NBAS: variants seen among roughly 807,000 people sequenced by gnomAD.
NBAS encodes NAG/BC035112 fusion.
NBAS carries 219 observed loss-of-function variants against 302.5 expected under a neutral mutation model. The ratio of observed to expected loss-of-function variants is 0.72; its 90% confidence interval spans 0.65 to 0.81. The LOEUF is 0.81. Ranked by LOEUF, NBAS falls within the 30% of genes least tolerant of loss-of-function variation. The pLI is 0.00. For synonymous variants in NBAS, 1,118 were observed against 1,021.6 expected (o/e 1.09, Z -1.80); for missense variants, 2,932 against 2,841.6 (o/e 1.03, Z -0.72).
chr2:15,289,888 T>C (rs1233126860), intron 41 of NBAS, among the ~76,000 whole-genome samples: 2 of 152,016 alleles, frequency 1.3e-5, no homozygotes, highest in Admixed American at 1.3e-4. Context: ...TCCCAGCTAC[T>C]CGAGAGGTTG....
the NBAS span, among the ~76,000 whole-genome samples, chr2:14,836,777 A>G: frequency 5.6e-4 from 85 of 151,980 alleles, no homozygotes; most frequent in Non-Finnish European, 9.1e-4. Context: ...ACATTTAGGA[A>G]GAATTGATAA....
At chr2:15,288,007 G>A (rs972710784) in intron 41 of NBAS, among the ~76,000 whole-genome samples, 27 of 152,164 alleles carry the variant, frequency 1.8e-4, no homozygotes, top group Non-Finnish European at 3.1e-4. Context: ...AGCACCCAGC[G>A]TGGGCATCCC....
intron 44 of NBAS, among the ~76,000 whole-genome samples, chr2:15,241,724 A>G (rs1304002313): frequency 6.6e-6 from 1 of 152,204 alleles, no homozygotes; most frequent in Non-Finnish European, 1.5e-5. Flanking sequence ...GATAAAATAC[A>G]TGTGCCATCC....
intron 25 of NBAS, among the ~76,000 whole-genome samples, chr2:15,411,973 G>T (rs1676709090): frequency 6.6e-6 from 1 of 152,020 alleles, no homozygotes; most frequent in Admixed American, 6.6e-5. Flanking sequence ...CACTTTCCAA[G>T]GAGGAATCCA....
At chr2:15,274,520 C>A (rs1669479576) in intron 44 of NBAS, among the ~76,000 whole-genome samples, 1 of 151,904 alleles carries the variant, frequency 6.6e-6, no homozygotes, top group Non-Finnish European at 1.5e-5. Flanking sequence ...GAGAGAATGC[C>A]CAGAGTCCAA....
At chr2:14,870,479 T>C in the NBAS span, among the ~76,000 whole-genome samples, 1 of 152,188 alleles carries the variant, frequency 6.6e-6, no homozygotes, top group African/African-American at 2.4e-5. Flanking sequence ...AGAAGCCATC[T>C]AACATAGGGA....
At chr2:14,843,465 A>G in the NBAS span, among the ~76,000 whole-genome samples, 1 of 152,094 alleles carries the variant, frequency 6.6e-6, no homozygotes, top group Admixed American at 6.6e-5. Context: ...CAAATTCAAT[A>G]AAGTTGAGAG....
At chr2:15,213,277 T>C (rs1252454872) in intron 48 of NBAS, among the ~76,000 whole-genome samples, 2 of 152,220 alleles carry the variant, frequency 1.3e-5, no homozygotes, top group African/African-American at 4.8e-5. Context: ...TTGAAGAATA[T>C]TTGGTGAATA....
chr2:15,353,662 CCTT>C lies in NBAS; in HGVS notation c.3977_3979del (p.Glu1326del). 1 of 1,614,046 alleles carries C rather than the reference CCTT, an allele frequency of 6.2e-7. No individual in the cohort carries two copies. The highest frequency in any genetic ancestry group is 8.5e-7 in the Non-Finnish European group (1 of 1,179,974). On this transcript the variant is annotated inframe_deletion, in exon 34 of 52. Transcript: ENST00000281513. ...TTGACGAGTGGCCAAGTCCTGGTAACCTTCTGATTGTCCTAACTGGCTACAAAC... is the reference window on the plus strand; with the variant it reads ...TTGACGAGTGGCCAAGTCCTGGTAACCTGATTGTCCTAACTGGCTACAAAC...
chr2:15,087,607 G>C, the NBAS span, among the ~76,000 whole-genome samples: 1 of 152,180 alleles, frequency 6.6e-6, no homozygotes, highest in Non-Finnish European at 1.5e-5. Flanking sequence ...GAAGCACCAA[G>C]AAAAGACAAC....
the NBAS span, among the ~76,000 whole-genome samples, chr2:15,040,452 C>A: frequency 6.6e-6 from 1 of 152,154 alleles, no homozygotes; most frequent in African/African-American, 2.4e-5. Flanking sequence ...TGCCCAGGCA[C>A]GACCACCTTG....
the NBAS span, among the ~76,000 whole-genome samples, chr2:14,889,684 A>G: frequency 6.6e-6 from 1 of 152,218 alleles, no homozygotes; most frequent in South Asian, 2.1e-4. Context: ...ATAGGGAAAT[A>G]CACATGAGAT....
chr2:15,510,914 A>C (rs1045586039), intron 10 of NBAS, among the ~76,000 whole-genome samples: 24 of 152,250 alleles, frequency 1.6e-4, no homozygotes, highest in African/African-American at 5.5e-4. Flanking sequence ...CAACACATTA[A>C]AAAGTGCTTA....
chr2:15,400,655 C>T (rs899924879), intron 26 of NBAS, among the ~76,000 whole-genome samples: 13 of 152,190 alleles, frequency 8.5e-5, no homozygotes, highest in Non-Finnish European at 1.9e-4. Flanking sequence ...CAGCAAACAG[C>T]TGCTTATCAG....
the NBAS span, among the ~76,000 whole-genome samples, chr2:14,984,596 T>A: frequency 5.3e-5 from 8 of 152,194 alleles, no homozygotes; most frequent in Non-Finnish European, 1.2e-4. Context: ...TAAATACAAC[T>A]GCTTATATGT....
chr2:15,478,327 T>C (rs759557836), intron 12 of NBAS, 38 bp from the exon 13 acceptor site: 1 of 1,438,918 alleles, frequency 6.9e-7, no homozygotes, highest in Non-Finnish European at 9.8e-7. Flanking sequence ...GTGAACTATG[T>C]AAGAAAATTA....
At chr2:15,290,065 G>GAGGGGAT (rs1670235090) in intron 41 of NBAS, among the ~76,000 whole-genome samples, 1 of 149,996 alleles carries the variant, frequency 6.7e-6, no homozygotes, top group Non-Finnish European at 1.5e-5. Flanking sequence ...GGACAGAGGA[G>GAGGGGAT]AGGGGATAGG....
Position 15,475,794 on chromosome 2 carries a change from C to CA in NBAS, c.1233dup (p.Val412CysfsTer16). The CA allele has an allele frequency of 6.2e-7, 1 of 1,614,064 alleles. No individual in the cohort carries two copies. The highest frequency in any genetic ancestry group is 1.1e-5 in the South Asian group (1 of 91,084). On this transcript the variant is annotated frameshift_variant, in exon 14 of 52. Transcript: ENST00000281513. LOFTEE classifies it high-confidence loss of function. ...TTCTTCAAAGTTTTCACAGATGAAACAGTTAAAGCACCAGAGCATCGAGCT... is the reference window on the plus strand; with the variant it reads ...TTCTTCAAAGTTTTCACAGATGAAACAAGTTAAAGCACCAGAGCATCGAGCT...
intron 38 of NBAS, among the ~76,000 whole-genome samples, chr2:15,315,783 T>A (rs1671480658): frequency 6.6e-6 from 1 of 152,206 alleles, no homozygotes; most frequent in Admixed American, 6.5e-5. Flanking sequence ...CAGGCATTAA[T>A]CTCTATAATG....
Sources: gnomAD v4.1 joint callset for allele counts (sites outside exome capture counted in the v4.1 genomes callset) on GRCh38, gnomAD v4.1.1 for gene constraint, MANE v1.5 for transcripts, NCBI Gene and HGNC (gene_info 2026-07-23, HGNC 2026-07-21) for gene names.